The following RHOH variants were observed in gnomAD, a reference collection of about 807,000 sequenced individuals.
The protein encoded by RHOH is ras homolog family member H.
RHOH carries 6 observed loss-of-function variants against 13.8 expected under a neutral mutation model. The observed-to-expected ratio is 0.44, with a 90% CI of 0.24 to 0.86. The LOEUF (loss-of-function observed/expected upper bound fraction) is 0.86, where lower values mean the gene tolerates loss of function less well. Among genes scored for constraint, RHOH ranks in the 40% least tolerant of loss-of-function variants. The probability of loss-of-function intolerance (pLI) is 0.24; values close to 1 mark genes in which losing one functional copy is unlikely to be tolerated. For synonymous variants in RHOH, 117 were observed against 103.0 expected, an observed-to-expected ratio of 1.14 and a Z score of -0.82; for missense variants, 147 against 244.5, an observed-to-expected ratio of 0.60 and a Z score of 2.66.
In RHOH at chr4:40,203,672, T is replaced by C. The variant is rs562039155; in HGVS notation, c.-331+6372T>C. 3.3e-5 allele frequency among the ~76,000 whole-genome samples: 5 copies of C among 152,236 alleles called. No individual in the cohort carries two copies. The East Asian group carries it at 9.6e-4, about 29-fold the overall frequency. Reference sequence around the variant, plus strand: ...CCCAGAGGGACAAGTTATTTATTTGTTATAGAAACAAACAGCAAAAACCAG... The same window carrying C: ...CCCAGAGGGACAAGTTATTTATTTGCTATAGAAACAAACAGCAAAAACCAG... On this transcript the variant is annotated intron_variant, in intron 1 of 2. Transcript: ENST00000381799.
chr4:40,198,232 G>A (rs7657574), intron 1 of RHOH, among the ~76,000 whole-genome samples: 29,465 of 152,126 alleles, frequency 0.19, 3,093 homozygotes, highest in Admixed American at 0.25. Flanking sequence ...GGAAGAATGC[G>A]AAGTGTCGGT....
At chr4:40,192,466 T>A (rs532865450), upstream of RHOH, among the ~76,000 whole-genome samples, 4 of 152,356 alleles carry the variant, frequency 2.6e-5, no homozygotes, top group South Asian at 8.3e-4. Flanking sequence ...GATTTACTAT[T>A]CATACAATTA....
intron 1 of RHOH, among the ~76,000 whole-genome samples, chr4:40,207,863 A>G (rs545917708): frequency 1.1e-4 from 16 of 152,186 alleles, no homozygotes; most frequent in Non-Finnish European, 1.9e-4. Flanking sequence ...GCTACATGGG[A>G]GGCTGAGGCA....
chr4:40,224,569 G>A (rs548215072), intron 1 of RHOH, among the ~76,000 whole-genome samples: 1 of 152,324 alleles, frequency 6.6e-6, no homozygotes, highest in African/African-American at 2.4e-5. Context: ...TAAAACCAGT[G>A]TGGGTCTGTT....
intron 1 of RHOH, among the ~76,000 whole-genome samples, chr4:40,206,528 A>T (rs1190672564): frequency 2.6e-5 from 4 of 152,206 alleles, no homozygotes; most frequent in African/African-American, 9.6e-5. Context: ...CCCCTTTGGC[A>T]TACTTTTTCT....
intron 1 of RHOH, among the ~76,000 whole-genome samples, chr4:40,242,251 C>T (rs1436660103): frequency 6.6e-6 from 1 of 152,226 alleles, no homozygotes; most frequent in Non-Finnish European, 1.5e-5. Flanking sequence ...TTTATGCAGT[C>T]CTCTGTTTAA....
intron 1 of RHOH, among the ~76,000 whole-genome samples, chr4:40,198,668 G>C (rs1027314296): frequency 3.3e-5 from 5 of 152,150 alleles, no homozygotes; most frequent in African/African-American, 1.2e-4. Context: ...TGTGGCTCGG[G>C]GTACCAGTAA....
chr4:40,200,682 G>A (rs1354229776), intron 1 of RHOH: 1 of 152,148 alleles, frequency 6.6e-6, no homozygotes, highest in African/African-American at 2.4e-5. Flanking sequence ...TGAGTTATCG[G>A]GAGCGGGGTG....
At chr4:40,202,587 T>C (rs1724148577) in intron 1 of RHOH, among the ~76,000 whole-genome samples, 1 of 152,220 alleles carries the variant, frequency 6.6e-6, no homozygotes, top group Non-Finnish European at 1.5e-5. Flanking sequence ...CTTTAACCGG[T>C]AGATGTTACT....
At chr4:40,230,304 G>A (rs1286243870) in intron 1 of RHOH, among the ~76,000 whole-genome samples, 1 of 151,660 alleles carries the variant, frequency 6.6e-6, no homozygotes, top group Non-Finnish European at 1.5e-5. Flanking sequence ...CTCCCAGAGT[G>A]TGTGAATACA....
chr4:40,243,299 C>A lies in RHOH; in HGVS notation c.-88C>A. On this transcript the variant is annotated 5_prime_UTR_variant, in exon 3 of 3. Coordinates refer to ENST00000381799, the MANE Select transcript of RHOH (RefSeq NM_004310.5). This position sits in a 1 kb window ranked among gnomAD's most constrained non-coding sequence, Gnocchi z 6.2. ...ACAGACCTACCTGGCTTGCATTCCC[C>A]TTGCTGAATGGCGTGTGCTGCAGCT... The A allele has an allele frequency of 8.1e-7, 1 of 1,229,582 alleles. No homozygotes were observed. Among genetic ancestry groups the A allele is most frequent in the Non-Finnish European group, 1.1e-6 (1 of 879,368 alleles). 76.2% of individuals were successfully genotyped at this position (1,229,582 alleles called of 1,614,324 possible). A position where few individuals can be genotyped will look rare whatever the true frequency, so the allele number is the denominator to read the frequency against.
At chr4:40,192,985 G>A, upstream of RHOH, 1 of 152,546 alleles carries the variant, frequency 6.6e-6, no homozygotes, top group Non-Finnish European at 1.5e-5. Context: ...ACCATAAAGG[G>A]CAGCTGTGAG....
chr4:40,204,891 C>G (rs1170839572), intron 1 of RHOH, among the ~76,000 whole-genome samples: 2 of 152,160 alleles, frequency 1.3e-5, no homozygotes, highest in Non-Finnish European at 2.9e-5. Context: ...AGGGTTGGTT[C>G]CCATTTGGGA....
At chr4:40,209,008 C>T (rs1164734023) in intron 1 of RHOH, among the ~76,000 whole-genome samples, 1 of 151,530 alleles carries the variant, frequency 6.6e-6, no homozygotes, top group African/African-American at 2.4e-5. Flanking sequence ...TTCATTTTTT[C>T]CTGTCTTTTT....
chr4:40,245,996 A>C lies in RHOH; in HGVS notation c.*2034A>C, dbSNP rs1232040363. On this transcript the variant is annotated 3_prime_UTR_variant, in exon 3 of 3. Transcript: ENST00000381799. Reference sequence around the variant, plus strand: ...AGGCGGTGGCTTGTACTCACCTCTAAGTCACCCGCCTCCCTTGATTGGAGA... The same window carrying C: ...AGGCGGTGGCTTGTACTCACCTCTACGTCACCCGCCTCCCTTGATTGGAGA... 6.6e-6 allele frequency: 1 copy of C among 152,228 alleles called. No homozygotes were observed. Among genetic ancestry groups the C allele is most frequent in the African/African-American group, 2.4e-5 (1 of 41,530 alleles). The allele number at this position is 152,228 out of a possible 1,614,324, so 9.4% of individuals were successfully genotyped here.
intron 1 of RHOH, among the ~76,000 whole-genome samples, chr4:40,217,726 A>C (rs1726055308): frequency 6.6e-6 from 1 of 152,242 alleles, no homozygotes; most frequent in Non-Finnish European, 1.5e-5. Context: ...TTTTAGAAGT[A>C]GAGACAAATT....
chr4:40,244,027 C>T lies in RHOH; in HGVS notation c.*65C>T, dbSNP rs903987198. ...AAAGACTAATGGGGAGAGGGAGGGCCGGGAAGCCAGGAAAGCTTGGTGTTT... is the reference window on the plus strand; with the variant it reads ...AAAGACTAATGGGGAGAGGGAGGGCTGGGAAGCCAGGAAAGCTTGGTGTTT... On this transcript the variant is annotated 3_prime_UTR_variant, in exon 3 of 3. Coordinates refer to ENST00000381799, the MANE Select transcript of RHOH (RefSeq NM_004310.5). 2.8e-5 allele frequency: 38 copies of T among 1,366,838 alleles called. No homozygotes were observed. In the East Asian group the frequency reaches 3.6e-4, roughly 13 times the overall value. The allele number at this position is 1,366,838 out of a possible 1,614,324, so 84.7% of individuals were successfully genotyped here. A position where few individuals can be genotyped will look rare whatever the true frequency, so the allele number is the denominator to read the frequency against.
chr4:40,193,894 T>C (rs2109328256), upstream of RHOH: 1 of 152,398 alleles, frequency 6.6e-6, no homozygotes, highest in Admixed American at 6.5e-5. Context: ...ACGTCTCCAC[T>C]TTCGTGCAGA....
chr4:40,237,936 C>T (rs1377628986), intron 1 of RHOH, among the ~76,000 whole-genome samples: 5 of 152,118 alleles, frequency 3.3e-5, no homozygotes, highest in Admixed American at 3.3e-4. Flanking sequence ...ATGTATTGTT[C>T]TAAAAAGACT....
Sources: allele counts gnomAD v4.1 joint callset (sites outside exome capture counted in the v4.1 genomes callset), GRCh38; gene constraint gnomAD v4.1.1; non-coding constraint Gnocchi (gnomAD v3.1); transcripts MANE v1.5; gene names NCBI Gene and HGNC (gene_info 2026-07-23, HGNC 2026-07-21).